NLGN1: variants seen among roughly 807,000 people sequenced by gnomAD.
The protein encoded by NLGN1 is neuroligin-1.
NLGN1 carries 12 observed loss-of-function variants against 65.5 expected under a neutral mutation model. The ratio of observed to expected loss-of-function variants is 0.18; its 90% CI spans 0.12 to 0.30. The LOEUF (loss-of-function observed/expected upper bound fraction) is 0.30. Ranked by LOEUF, NLGN1 falls within the 10% of genes least tolerant of loss-of-function variation. The probability of loss-of-function intolerance (pLI) is 1.00; values close to 1 mark genes in which losing one functional copy is unlikely to be tolerated. For synonymous variants in NLGN1, 350 were observed against 359.5 expected, an observed-to-expected ratio of 0.97 and a Z score of 0.30; for missense variants, 750 against 1,007.1, an observed-to-expected ratio of 0.74 and a Z score of 3.46.
chr3:173,935,270 A>G (rs1265981896), intron 4 of NLGN1, among the ~76,000 whole-genome samples: 2 of 152,006 alleles, frequency 1.3e-5, no homozygotes, highest in Non-Finnish European at 2.9e-5. Flanking sequence ...GGGGTTATAA[A>G]GGTTAAGGGA....
chr3:173,936,412 T>C (rs1009687471), intron 4 of NLGN1, among the ~76,000 whole-genome samples: 6 of 152,050 alleles, frequency 3.9e-5, no homozygotes, highest in Admixed American at 3.9e-4. Context: ...CAATAAACAC[T>C]ACAAGAAGTA....
rs533110903 is a variant in NLGN1 at position 173,994,250 on chromosome 3, A to G, written c.646+186418A>G. Among the ~76,000 whole-genome samples the G allele has an allele frequency of 3.6e-3, 546 of 151,900 alleles. 9 individuals carry two copies. The highest frequency in any genetic ancestry group is 0.012 in the African/African-American group (507 of 41,442). Reference sequence around the variant, plus strand: ...TGCCTCCTGAGCAGCTGAGACTACAAGAGTGCACCACCATGCCTGGCTAAT... The same window carrying G: ...TGCCTCCTGAGCAGCTGAGACTACAGGAGTGCACCACCATGCCTGGCTAAT... On this transcript the variant is annotated intron_variant, in intron 4 of 6. Coordinates refer to ENST00000457714, the Ensembl canonical transcript of NLGN1.
intron 3 of NLGN1, among the ~76,000 whole-genome samples, chr3:173,620,802 G>T (rs1753871857): frequency 6.6e-6 from 1 of 152,068 alleles, no homozygotes; most frequent in South Asian, 2.1e-4. Flanking sequence ...CACGGTTGGG[G>T]TAAGCTCAAA....
chr3:174,145,232 C>T (rs369773523), intron 4 of NLGN1, among the ~76,000 whole-genome samples: 9 of 152,062 alleles, frequency 5.9e-5, no homozygotes, highest in African/African-American at 1.9e-4. Context: ...ATAAGACAGA[C>T]GGTCAGGAAC....
At chr3:174,199,131 G>C (rs1426768183) in intron 4 of NLGN1, among the ~76,000 whole-genome samples, 1 of 152,138 alleles carries the variant, frequency 6.6e-6, no homozygotes, top group African/African-American at 2.4e-5. Flanking sequence ...ATAGGCGTGA[G>C]CCACCGCGCC....
chr3:173,775,031 A>G (rs187373710), intron 3 of NLGN1, among the ~76,000 whole-genome samples: 3 of 152,296 alleles, frequency 2.0e-5, no homozygotes, highest in Admixed American at 2.0e-4. Context: ...AAGCCTTTAT[A>G]AGTGCACCAA....
At chr3:174,113,812 A>G (rs905674638) in intron 4 of NLGN1, among the ~76,000 whole-genome samples, 8 of 152,134 alleles carry the variant, frequency 5.3e-5, no homozygotes, top group African/African-American at 1.9e-4. Flanking sequence ...GTTCCTTGTC[A>G]AGTTTTTATT....
chr3:174,211,053 G>T (rs1043047739), intron 4 of NLGN1, among the ~76,000 whole-genome samples: 9 of 152,170 alleles, frequency 5.9e-5, no homozygotes, highest in African/African-American at 2.2e-4. Context: ...TGTGTTCGGA[G>T]TTTCTTCCTT....
At chr3:174,121,100 C>G (rs558075704) in intron 4 of NLGN1, among the ~76,000 whole-genome samples, 11 of 152,282 alleles carry the variant, frequency 7.2e-5, no homozygotes, top group Admixed American at 4.6e-4. Context: ...TTGAATAATA[C>G]CTTTAGAGTC....
chr3:173,928,672 A>ATTT (rs34589178), intron 4 of NLGN1, among the ~76,000 whole-genome samples: 1,515 of 134,480 alleles, frequency 0.011, 45 homozygotes, highest in African/African-American at 0.038. Flanking sequence ...GACATAGTTA[A>ATTT]TTTTTTTTTT....
chr3:174,123,046 T>C (rs1718123348), intron 4 of NLGN1, among the ~76,000 whole-genome samples: 1 of 150,164 alleles, frequency 6.7e-6, no homozygotes, highest in Admixed American at 6.6e-5. Flanking sequence ...AAGAAGAGGA[T>C]GTCAAATGCT....
At chr3:174,205,873 G>T (rs961001332) in intron 4 of NLGN1, among the ~76,000 whole-genome samples, 1 of 152,172 alleles carries the variant, frequency 6.6e-6, no homozygotes, top group African/African-American at 2.4e-5. Context: ...AACCTTATAG[G>T]ATTCTCGTGA....
chr3:174,087,731 A>T (rs1743697214), intron 4 of NLGN1, among the ~76,000 whole-genome samples: 1 of 152,176 alleles, frequency 6.6e-6, no homozygotes, highest in South Asian at 2.1e-4. Context: ...ATTTGCCCAC[A>T]TAATTATTTG....
intron 3 of NLGN1, among the ~76,000 whole-genome samples, chr3:173,694,726 C>G (rs1217063425): frequency 6.6e-6 from 1 of 152,142 alleles, no homozygotes; most frequent in East Asian, 1.9e-4. Context: ...AAGCCTAGGG[C>G]TTACAGCACT....
chr3:174,276,065 A>C (rs1750500767), intron 5 of NLGN1, among the ~76,000 whole-genome samples: 1 of 151,896 alleles, frequency 6.6e-6, no homozygotes. Context: ...TCAAAGCATC[A>C]AGGTCACTGG....
At chr3:174,108,295 T>A (rs990759489) in intron 4 of NLGN1, among the ~76,000 whole-genome samples, 37 of 152,148 alleles carry the variant, frequency 2.4e-4, no homozygotes, top group African/African-American at 8.4e-4. Flanking sequence ...TTAATTTTTG[T>A]ATAAGATGTG....
chr3:174,065,600 A>G (rs1738354456), intron 4 of NLGN1, among the ~76,000 whole-genome samples: 3 of 151,750 alleles, frequency 2.0e-5, no homozygotes, highest in Admixed American at 2.0e-4. Context: ...GCCTCCTGAT[A>G]TTCTTGTTCT....
chr3:173,971,490 C>T (rs1237236391), intron 4 of NLGN1, among the ~76,000 whole-genome samples: 1 of 151,900 alleles, frequency 6.6e-6, no homozygotes, highest in Non-Finnish European at 1.5e-5. Flanking sequence ...TTAATCTGAG[C>T]ATATTATCAC....
chr3:173,584,794 G>GGT (rs1553767075), intron 2 of NLGN1: 3 of 150,220 alleles, frequency 2.0e-5, no homozygotes, highest in African/African-American at 7.4e-5. Context: ...AGGAGGGGGG[G>GGT]GTGCAAAACT....
Sources: gnomAD v4.1 joint callset for allele counts (sites outside exome capture counted in the v4.1 genomes callset) on GRCh38, gnomAD v4.1.1 for gene constraint, MANE v1.5 for transcripts, NCBI Gene and HGNC (gene_info 2026-07-23, HGNC 2026-07-21) for gene names.